Variants in ALPL observed in about 807,000 individuals in gnomAD.
ALPL encodes alkaline phosphatase, biomineralization associated, also known as alkaline phosphatase, tissue-nonspecific isozyme.
A neutral mutation model predicts 51.3 loss-of-function variants in ALPL; 42 were observed. That is an observed-to-expected ratio of 0.82 (90% CI 0.64 to 1.06). The LOEUF (loss-of-function observed/expected upper bound fraction) is 1.06. Ranked by LOEUF, ALPL falls within the 50% of genes least tolerant of loss-of-function variation. ALPL has a pLI of 0.00. For synonymous variants in ALPL, 279 were observed against 296.4 expected (o/e 0.94, Z 0.60); for missense variants, 589 against 709.4 (o/e 0.83, Z 1.93).
At chr1:21,513,354 A>G (rs1333048042) in intron 1 of ALPL, among the ~76,000 whole-genome samples, 1 of 152,132 alleles carries the variant, frequency 6.6e-6, no homozygotes, top group Non-Finnish European at 1.5e-5. Context: ...TTTCATTTCT[A>G]CAGTATATTC....
intron 2 of ALPL, among the ~76,000 whole-genome samples, chr1:21,558,397 C>T (rs542981451): frequency 4.6e-5 from 7 of 152,310 alleles, no homozygotes; most frequent in African/African-American, 1.7e-4. Context: ...GGCTCTATGA[C>T]CAACAGCACC....
At chr1:21,560,837 G>A (rs1348321751) in intron 3 of ALPL, 92 bp downstream of exon 3, 1 of 1,522,254 alleles carries the variant, frequency 6.6e-7, no homozygotes, top group African/African-American at 1.4e-5. Flanking sequence ...TGTGTTGAAG[G>A]GGCTAGGGCT....
At chr1:21,520,299 AT>A (rs1477819439) in intron 1 of ALPL, among the ~76,000 whole-genome samples, 1 of 149,824 alleles carries the variant, frequency 6.7e-6, no homozygotes, top group Non-Finnish European at 1.5e-5. Context: ...AATTTTTTTT[AT>A]TTTTTATTTT....
chr1:21,524,084 A>C (rs1408782558), intron 1 of ALPL, among the ~76,000 whole-genome samples: 2 of 126,918 alleles, frequency 1.6e-5, no homozygotes, highest in African/African-American at 3.1e-5. Context: ...GCTCACTGCC[A>C]CCTCCACCTC....
At chr1:21,523,249 A>G (rs374651031) in intron 1 of ALPL, among the ~76,000 whole-genome samples, 121 of 152,350 alleles carry the variant, frequency 7.9e-4, no homozygotes, top group Middle Eastern at 3.4e-3. Flanking sequence ...CAGCCAGCTG[A>G]GATTGTCCCA....
intron 1 of ALPL, among the ~76,000 whole-genome samples, chr1:21,515,870 T>TTTG (rs57634288): frequency 0.97 from 147,130 of 151,712 alleles, 71,509 homozygotes; most frequent in South Asian, 1. Flanking sequence ...GTTTGTTTGT[T>TTTG]TTGTTGTTGT....
chr1:21,574,355 C>T (rs1644695883), intron 9 of ALPL: 1 of 264,478 alleles, frequency 3.8e-6, no homozygotes, highest in Non-Finnish European at 5.9e-6. Flanking sequence ...GTACTTGGAA[C>T]GGGGCCCAGT....
intron 8 of ALPL, among the ~76,000 whole-genome samples, chr1:21,571,122 C>T (rs1644641346): frequency 6.6e-6 from 1 of 152,222 alleles, no homozygotes; most frequent in Admixed American, 6.5e-5. Context: ...GTGTATCATG[C>T]TGGTTTTGCT....
At chr1:21,571,067 G>A (rs1374519145) in intron 8 of ALPL, among the ~76,000 whole-genome samples, 1 of 152,162 alleles carries the variant, frequency 6.6e-6, no homozygotes, top group African/African-American at 2.4e-5. Context: ...GCTTGCCTGG[G>A]TCACATGGCA....
At chr1:21,569,341 C>T (rs187026629) in intron 7 of ALPL, among the ~76,000 whole-genome samples, 6 of 152,272 alleles carry the variant, frequency 3.9e-5, no homozygotes, top group Admixed American at 3.3e-4. Flanking sequence ...GGGGAGAGAG[C>T]GTCTACACCA....
chr1:21,559,029 T>C (rs1014407200), intron 2 of ALPL, among the ~76,000 whole-genome samples: 10 of 151,914 alleles, frequency 6.6e-5, no homozygotes, highest in African/African-American at 2.4e-4. Context: ...CCAGTGCGTG[T>C]GTGAGGAAGG....
At chr1:21,571,082 CCCAGTA>C (rs1644640889) in intron 8 of ALPL, among the ~76,000 whole-genome samples, 1 of 152,202 alleles carries the variant, frequency 6.6e-6, no homozygotes, top group Non-Finnish European at 1.5e-5. Context: ...ATGGCACACA[CCCAGTA>C]CCACATGGGC....
At chr1:21,554,193 A>G in intron 2 of ALPL, 51 bp downstream of exon 2, 1 of 1,544,808 alleles carries the variant, frequency 6.5e-7, no homozygotes, top group Non-Finnish European at 9.0e-7. Context: ...CAGATGGGGT[A>G]TGATGAGGGC....
At chr1:21,574,273 T>C (rs1644695054) in intron 9 of ALPL, 7 of 938,482 alleles carry the variant, frequency 7.5e-6, no homozygotes, top group Non-Finnish European at 8.9e-6. Context: ...TGTGCACTTC[T>C]GTTATGTGAA....
rs114304975 is a variant in ALPL, at chr1:21,515,345, T to G, written c.-105+5828T>G. On this transcript the variant is annotated intron_variant, in intron 1 of 11. Coordinates refer to ENST00000374840, the MANE Select transcript of ALPL (RefSeq NM_000478.6). Reference sequence around the variant, plus strand: ...CCTGAAAGTGCTGAGATTATAGGCATGAACCATTGTGCCTGGCCCACAAGT... The same window carrying G: ...CCTGAAAGTGCTGAGATTATAGGCAGGAACCATTGTGCCTGGCCCACAAGT... 4.2e-3 allele frequency among the ~76,000 whole-genome samples: 636 copies of G among 152,270 alleles called. 7 individuals carry two copies. The highest frequency in any genetic ancestry group is 0.015 in the African/African-American group (620 of 41,546).
At chr1:21,511,621 C>G (rs1348976952) in intron 1 of ALPL, among the ~76,000 whole-genome samples, 1 of 152,232 alleles carries the variant, frequency 6.6e-6, no homozygotes, top group East Asian at 1.9e-4. Context: ...ATGGTGCCCT[C>G]TTTGCTCACA....
intron 2 of ALPL, among the ~76,000 whole-genome samples, chr1:21,556,648 C>T (rs1217083799): frequency 6.8e-6 from 1 of 147,054 alleles, no homozygotes; most frequent in Non-Finnish European, 1.5e-5. Context: ...TAAAAAGAAA[C>T]CAGCTTCTGG....
intron 1 of ALPL, among the ~76,000 whole-genome samples, chr1:21,540,716 C>G (rs991888389): frequency 6.6e-6 from 1 of 152,218 alleles, no homozygotes; most frequent in Non-Finnish European, 1.5e-5. Flanking sequence ...TTTAAACACT[C>G]AGGTCCTGTT....
At chr1:21,515,879 G>GTTA (rs1193077179) in intron 1 of ALPL, among the ~76,000 whole-genome samples, 1 of 151,324 alleles carries the variant, frequency 6.6e-6, no homozygotes, top group South Asian at 2.1e-4. Context: ...TTTTGTTGTT[G>GTTA]TTGTTTTTTG....
Sources: gnomAD v4.1 joint callset for allele counts (sites outside exome capture counted in the v4.1 genomes callset) on GRCh38, gnomAD v4.1.1 for gene constraint, MANE v1.5 for transcripts, NCBI Gene and HGNC (gene_info 2026-07-23, HGNC 2026-07-21) for gene names.